The following SYN3 variants were observed in gnomAD, a reference collection of about 807,000 sequenced individuals.
The protein encoded by SYN3 is synapsin III.
Under a neutral mutation model 65.8 loss-of-function variants are expected in SYN3, and 35 were observed. That is an observed-to-expected ratio of 0.53 (90% CI 0.41 to 0.70). SYN3 has a LOEUF of 0.70. Ranked by LOEUF, SYN3 falls within the 30% of genes least tolerant of loss-of-function variation. The pLI, the probability that SYN3 is intolerant of heterozygous loss-of-function variation, is 0.00. For synonymous variants in SYN3, 270 were observed against 292.9 expected (o/e 0.92, Z 0.80); for missense variants, 680 against 749.0 (o/e 0.91, Z 1.08).
At chr22:32,611,562 G>T (rs1004425315) in intron 6 of SYN3, among the ~76,000 whole-genome samples, 2 of 152,172 alleles carry the variant, frequency 1.3e-5, no homozygotes, top group Admixed American at 1.3e-4. Flanking sequence ...AAAGTGCTGC[G>T]ATTACAGGCT....
Position 32,982,645 on chromosome 22 carries a change from G to A in SYN3, c.312-1943C>T, listed in dbSNP as rs73162035. 7.0e-3 allele frequency among the ~76,000 whole-genome samples: 1,069 copies of A among 152,240 alleles called. 9 individuals carry two copies. The highest frequency in any genetic ancestry group is 0.035 in the South Asian group (169 of 4,816). On this transcript the variant is annotated intron_variant, in intron 2 of 13. Transcript: ENST00000358763. ...CTGTGTACCACTAAACTATACCACA[G>A]CTCCTTGAGGTCAGAAATAACCTAT...
chr22:32,698,691 T>A (rs1221129233), intron 6 of SYN3, among the ~76,000 whole-genome samples: 1 of 152,216 alleles, frequency 6.6e-6, no homozygotes. Context: ...AGCTCCAGAA[T>A]CATTTTAGGT....
At chr22:33,049,908 A>C (rs185121474) in intron 1 of SYN3, among the ~76,000 whole-genome samples, 144 of 150,318 alleles carry the variant, frequency 9.6e-4, no homozygotes, top group African/African-American at 2.7e-3. Context: ...ACCAGCCACA[A>C]AGCCAAGCAG....
chr22:32,779,182 G>T (rs130534), intron 6 of SYN3, among the ~76,000 whole-genome samples: 23,076 of 152,208 alleles, frequency 0.15, 2,270 homozygotes, highest in East Asian at 0.35. Context: ...GCAACCAGCC[G>T]GGCATGGTGG....
chr22:32,746,135 T>C (rs2044925497), intron 6 of SYN3, among the ~76,000 whole-genome samples: 1 of 152,170 alleles, frequency 6.6e-6, no homozygotes, highest in East Asian at 1.9e-4. Flanking sequence ...GTTCACAGAG[T>C]TGCTATGAGG....
At chr22:32,881,321 G>T (rs539226548) in intron 4 of SYN3, among the ~76,000 whole-genome samples, 30 of 152,274 alleles carry the variant, frequency 2.0e-4, no homozygotes, top group African/African-American at 7.2e-4. Flanking sequence ...ACCCAGGCCA[G>T]GCGCTAATAT....
At position 32,509,600 on chromosome 22, in the gene SYN3, A is replaced by T. The variant is rs61125547; in HGVS notation, c.*4092T>A. On this transcript the variant is annotated 3_prime_UTR_variant, in exon 14 of 14. Coordinates refer to ENST00000358763, the MANE Select transcript of SYN3 (RefSeq NM_003490.4). ...TATTATTATTTTGAGACAGAGTCTCACTCTGTTGCCCAGGCTGGAGTGCAG... is the reference window on the plus strand; with the variant it reads ...TATTATTATTTTGAGACAGAGTCTCTCTCTGTTGCCCAGGCTGGAGTGCAG... 0.11 allele frequency among the ~76,000 whole-genome samples: 16,258 copies of T among 151,614 alleles called. 2,190 individuals carry two copies. Among genetic ancestry groups the T allele is most frequent in the African/African-American group, 0.32 (13,073 of 41,180 alleles).
intron 6 of SYN3, among the ~76,000 whole-genome samples, chr22:32,692,441 C>A (rs983009044): frequency 2.0e-5 from 3 of 152,186 alleles, no homozygotes; most frequent in Admixed American, 2.0e-4. Context: ...TATTCTGCAT[C>A]ATTTCTGACT....
intron 6 of SYN3, among the ~76,000 whole-genome samples, chr22:32,603,884 G>A (rs561900474): frequency 1.3e-5 from 2 of 152,360 alleles, no homozygotes; most frequent in South Asian, 4.1e-4. Flanking sequence ...GGCGTAAGAG[G>A]CCTGACATCC....
intron 12 of SYN3, among the ~76,000 whole-genome samples, chr22:32,520,860 G>GT (rs1241074165): frequency 2.0e-5 from 3 of 152,150 alleles, no homozygotes; most frequent in African/African-American, 7.2e-5. Flanking sequence ...CTGTGTGACC[G>GT]TGGGTAAGTC....
chr22:32,556,026 C>A (rs2157189), intron 7 of SYN3, among the ~76,000 whole-genome samples: 55,950 of 151,940 alleles, frequency 0.37, 10,884 homozygotes, highest in East Asian at 0.73. Flanking sequence ...GGCTTAGAAG[C>A]AGCAATGGGG....
intron 4 of SYN3, among the ~76,000 whole-genome samples, chr22:32,882,878 C>A (rs767400082): frequency 1.3e-5 from 2 of 152,150 alleles, no homozygotes; most frequent in Non-Finnish European, 2.9e-5. Flanking sequence ...ATTACCACTT[C>A]TCCTCAGAAG....
intron 6 of SYN3, among the ~76,000 whole-genome samples, chr22:32,800,205 CCT>C (rs575217423): frequency 2.5e-3 from 386 of 152,260 alleles, no homozygotes; most frequent in Middle Eastern, 0.01. Context: ...TGCATTTCTC[CCT>C]GTTTCTATTT....
At chr22:32,664,584 C>CTTTTT (rs71320943) in intron 6 of SYN3, among the ~76,000 whole-genome samples, 1,055 of 69,050 alleles carry the variant, frequency 0.015, 273 homozygotes, top group African/African-American at 0.044. Flanking sequence ...CAATTGGTCG[C>CTTTTT]TTTTTTTTTT....
chr22:32,611,273 GTTTTTTTTTTGTTTTTT>G (rs1007461553), intron 6 of SYN3, among the ~76,000 whole-genome samples: 2 of 117,370 alleles, frequency 1.7e-5, no homozygotes, highest in Non-Finnish European at 3.5e-5. Context: ...TTCAGCTAGA[GTTTTTTTTTTGTTTTTT>G]TTTTTTTTTT....
chr22:32,593,019 G>A (rs944635112), intron 7 of SYN3, among the ~76,000 whole-genome samples: 2 of 152,150 alleles, frequency 1.3e-5, no homozygotes, highest in African/African-American at 2.4e-5. Context: ...TTCTAGGAAC[G>A]TTCTCTTTGC....
At chr22:32,556,804 G>T (rs60721018) in intron 7 of SYN3, among the ~76,000 whole-genome samples, 31,605 of 42,972 alleles carry the variant, frequency 0.74, 10,640 homozygotes, top group African/African-American at 0.77. Flanking sequence ...AGGTTTCCTG[G>T]TTTTTTTTTT....
chr22:33,034,804 A>G (rs1310531913), intron 1 of SYN3, among the ~76,000 whole-genome samples: 6 of 152,098 alleles, frequency 3.9e-5, no homozygotes, highest in Admixed American at 3.9e-4. Flanking sequence ...GAAGAGGCAA[A>G]TCTTGCCTTT....
chr22:32,711,281 G>A (rs896551488), intron 6 of SYN3, among the ~76,000 whole-genome samples: 3 of 152,224 alleles, frequency 2.0e-5, no homozygotes, highest in Non-Finnish European at 2.9e-5. Context: ...GCCCTAGGAT[G>A]TCTAATGACT....
Sources: allele counts gnomAD v4.1 joint callset (sites outside exome capture counted in the v4.1 genomes callset), GRCh38; gene constraint gnomAD v4.1.1; transcripts MANE v1.5; gene names NCBI Gene and HGNC (gene_info 2026-07-23, HGNC 2026-07-21).